Variants in CSMD3 observed in about 807,000 individuals in gnomAD.
The protein encoded by CSMD3 is CUB and sushi domain-containing protein 3.
A neutral mutation model predicts 435.2 loss-of-function variants in CSMD3; 177 were observed. The ratio of observed to expected loss-of-function variants is 0.41; its 90% CI spans 0.36 to 0.46. The LOEUF (loss-of-function observed/expected upper bound fraction) is 0.46, where lower values mean the gene tolerates loss of function less well. CSMD3 is among the 20% of genes least tolerant of loss of function. The pLI, the probability that CSMD3 is intolerant of heterozygous loss-of-function variation, is 0.34. For synonymous variants in CSMD3, 1,656 were observed against 1,520.5 expected, an observed-to-expected ratio of 1.09 and a Z score of -2.07; for missense variants, 4,265 against 4,504.6, an observed-to-expected ratio of 0.95 and a Z score of 1.52.
chr8:113,330,811 T>C (rs531866811), intron 1 of CSMD3, among the ~76,000 whole-genome samples: 50 of 151,902 alleles, frequency 3.3e-4, no homozygotes, highest in Non-Finnish European at 6.5e-4. Context: ...GGGATAAGTA[T>C]ATACTTCAAA....
intron 13 of CSMD3, among the ~76,000 whole-genome samples, chr8:112,722,574 AG>A (rs1205873451): frequency 6.6e-6 from 1 of 152,036 alleles, no homozygotes; most frequent in Admixed American, 6.6e-5. Flanking sequence ...TGTGTGCGTT[AG>A]CGTGTGTGTG....
At chr8:112,565,575 C>T (rs1384495350) in intron 24 of CSMD3, among the ~76,000 whole-genome samples, 1 of 152,058 alleles carries the variant, frequency 6.6e-6, no homozygotes, top group Non-Finnish European at 1.5e-5. Flanking sequence ...CTGAGAACAT[C>T]CAAATATATT....
chr8:112,835,656 T>C (rs1405704221), intron 11 of CSMD3, among the ~76,000 whole-genome samples: 2 of 151,748 alleles, frequency 1.3e-5, no homozygotes, highest in African/African-American at 2.4e-5. Context: ...TGTGTATAAA[T>C]AAGGAAACAA....
Position 112,954,975 on chromosome 8 carries a change from A to G in CSMD3, c.1343-214T>C, listed in dbSNP as rs529835363. 8.0e-4 allele frequency among the ~76,000 whole-genome samples: 122 copies of G among 151,702 alleles called. 1 individual carries two copies. Among genetic ancestry groups the G allele is most frequent in the African/African-American group, 2.7e-3 (114 of 41,516 alleles). On this transcript the variant is annotated intron_variant, in intron 7 of 70. Coordinates refer to ENST00000297405, the MANE Select transcript of CSMD3 (RefSeq NM_198123.2). ...GAATGATTTTAAATATTCTACAGGG[A>G]AAATCCTGCATATACATAGTTTTTT... is the stretch of plus-strand genomic sequence containing the variant.
intron 5 of CSMD3, among the ~76,000 whole-genome samples, chr8:113,090,089 T>A (rs1265948007): frequency 6.6e-6 from 1 of 152,114 alleles, no homozygotes; most frequent in African/African-American, 2.4e-5. Flanking sequence ...TTCGCTTTTA[T>A]GCTTTTTTTG....
intron 3 of CSMD3, among the ~76,000 whole-genome samples, chr8:113,253,206 G>C (rs2132310262): frequency 6.6e-6 from 1 of 151,676 alleles, no homozygotes; most frequent in Admixed American, 6.6e-5. Flanking sequence ...GGGACATCAG[G>C]ACAAGTTAGC....
rs73342193 is a variant in CSMD3 at position 112,792,288 on chromosome 8, A to C, written c.1972+7874T>G. Among the ~76,000 whole-genome samples the C allele has an allele frequency of 2.9e-3, 446 of 152,240 alleles. 1 individual carries two copies. Among genetic ancestry groups the C allele is most frequent in the African/African-American group, 9.9e-3 (413 of 41,554 alleles). ...TATGTGACAAAAATTTATTTCTCAC[A>C]ATCTGGAGGCTGTGAATTCCAAGAT... On this transcript the variant is annotated intron_variant, in intron 13 of 70. Coordinates refer to ENST00000297405, the MANE Select transcript of CSMD3 (RefSeq NM_198123.2).
chr8:112,525,325 TTTTATATATAAAATTTTA>T (rs1309175716), intron 27 of CSMD3, among the ~76,000 whole-genome samples: 28 of 149,344 alleles, frequency 1.9e-4, no homozygotes, highest in Non-Finnish European at 3.7e-4. Context: ...ACAAAATAAA[TTTTATATATAAAATTTTA>T]TTTATATATG....
At chr8:112,884,088 C>T (rs2081522511) in intron 10 of CSMD3, among the ~76,000 whole-genome samples, 1 of 151,780 alleles carries the variant, frequency 6.6e-6, no homozygotes, top group African/African-American at 2.4e-5. Flanking sequence ...TAAAAGTATG[C>T]CACAGGGTGT....
rs370008521 is a variant in CSMD3 at position 112,334,907 on chromosome 8, G to A, written c.7165+422C>T. 2.6e-5 allele frequency among the ~76,000 whole-genome samples: 4 copies of A among 152,244 alleles called. No homozygotes were observed. The East Asian group carries it at 5.8e-4, about 22-fold the overall frequency. ...TTGAAACAACAGTATAAATGAATGA[G>A]TAATGTGATCCAAAGCGTGAAGATA... On this transcript the variant is annotated intron_variant, in intron 45 of 70. Coordinates refer to ENST00000297405, the MANE Select transcript of CSMD3 (RefSeq NM_198123.2).
At chr8:112,428,051 C>T (rs1813265089) in intron 32 of CSMD3, among the ~76,000 whole-genome samples, 1 of 152,152 alleles carries the variant, frequency 6.6e-6, no homozygotes, top group Admixed American at 6.6e-5. Context: ...TTTCCCCCAG[C>T]TATTTCCTTG....
intron 13 of CSMD3, among the ~76,000 whole-genome samples, chr8:112,723,643 G>T (rs1390293415): frequency 6.6e-6 from 1 of 152,010 alleles, no homozygotes; most frequent in Non-Finnish European, 1.5e-5. Flanking sequence ...TGTTAAGATG[G>T]GAAACAATGA....
intron 13 of CSMD3, among the ~76,000 whole-genome samples, chr8:112,771,502 G>A (rs920857009): frequency 2.0e-5 from 3 of 151,858 alleles, no homozygotes; most frequent in South Asian, 2.1e-4. Context: ...TCGTGCCAAC[G>A]CACTCCAGCC....
At chr8:112,326,130 A>G (rs2130900310) in intron 45 of CSMD3, among the ~76,000 whole-genome samples, 1 of 152,296 alleles carries the variant, frequency 6.6e-6, no homozygotes, top group South Asian at 2.1e-4. Flanking sequence ...CAGAATTATG[A>G]ATAAAATTGA....
intron 11 of CSMD3, among the ~76,000 whole-genome samples, chr8:112,847,746 C>A (rs1445234160): frequency 6.6e-6 from 1 of 152,008 alleles, no homozygotes; most frequent in Non-Finnish European, 1.5e-5. Context: ...AATGGGCTGA[C>A]TAAATGAAGT....
At chr8:112,250,053 G>C (rs1214418429) in intron 63 of CSMD3, among the ~76,000 whole-genome samples, 1 of 152,032 alleles carries the variant, frequency 6.6e-6, no homozygotes, top group Admixed American at 6.6e-5. Context: ...ACGTCTATCA[G>C]TTCTTAAAAT....
intron 3 of CSMD3, among the ~76,000 whole-genome samples, chr8:113,225,274 G>C (rs2093013941): frequency 6.6e-6 from 1 of 151,390 alleles, no homozygotes; most frequent in Non-Finnish European, 1.5e-5. Flanking sequence ...AATTATTTCT[G>C]CACCGTCCTG....
intron 1 of CSMD3, among the ~76,000 whole-genome samples, chr8:113,371,702 G>T (rs372261158): frequency 1.3e-5 from 2 of 152,086 alleles, no homozygotes; most frequent in African/African-American, 4.8e-5. Flanking sequence ...AAGAATTACA[G>T]ACTGTGTCTT....
intron 67 of CSMD3, among the ~76,000 whole-genome samples, chr8:112,235,824 T>C (rs1031929732): frequency 4.6e-5 from 7 of 152,160 alleles, no homozygotes; most frequent in Non-Finnish European, 8.8e-5. Context: ...AATTGGTTTA[T>C]ATGGAGACAG....
Sources: gnomAD v4.1 joint callset for allele counts (sites outside exome capture counted in the v4.1 genomes callset) on GRCh38, gnomAD v4.1.1 for gene constraint, MANE v1.5 for transcripts, NCBI Gene and HGNC (gene_info 2026-07-23, HGNC 2026-07-21) for gene names.